GALNT13: variants seen among roughly 807,000 people sequenced by gnomAD.
GALNT13 encodes the protein UDP-GalNAc:polypeptide N-acetylgalactosaminyltransferase 13.
A neutral mutation model predicts 64.2 loss-of-function variants in GALNT13; 28 were observed. That is an observed-to-expected ratio of 0.44 (90% CI 0.32 to 0.60). The LOEUF is 0.60. GALNT13 is among the 20% of genes least tolerant of loss of function. The pLI is 0.05. For missense variants in GALNT13, 577 were observed against 669.8 expected, an observed-to-expected ratio of 0.86 and a Z score of 1.53; for synonymous variants, 214 against 224.6, an observed-to-expected ratio of 0.95 and a Z score of 0.42.
the GALNT13 span, among the ~76,000 whole-genome samples, chr2:153,364,952 G>T: frequency 6.6e-6 from 1 of 152,030 alleles, no homozygotes; most frequent in Admixed American, 6.6e-5. Context: ...TAAGGAAAAA[G>T]AACAAAACTG....
At chr2:153,673,849 G>A in the GALNT13 span, among the ~76,000 whole-genome samples, 36,717 of 151,936 alleles carry the variant, frequency 0.24, 5,094 homozygotes, top group Admixed American at 0.36. Context: ...AGCAACTTCA[G>A]CAAAGTCTCA....
chr2:154,241,870 C>A (rs1212593504), intron 4 of GALNT13, among the ~76,000 whole-genome samples, 160 bp from the exon 5 acceptor site: 1 of 152,180 alleles, frequency 6.6e-6, no homozygotes, highest in African/African-American at 2.4e-5. Context: ...ACTGATTACT[C>A]ACAGCAGTTA....
the GALNT13 span, among the ~76,000 whole-genome samples, chr2:153,358,417 C>G: frequency 6.6e-6 from 1 of 152,132 alleles, no homozygotes; most frequent in Non-Finnish European, 1.5e-5. Context: ...AGGGAAGAAA[C>G]CTGATAGTGA....
At chr2:154,454,753 C>A (rs1702008728), downstream of GALNT13, 1 of 152,022 alleles carries the variant, frequency 6.6e-6, no homozygotes. Context: ...AGCACTAAGA[C>A]CTACAGCAGA....
chr2:154,347,109 C>T (rs536067400), intron 9 of GALNT13, among the ~76,000 whole-genome samples: 1 of 152,164 alleles, frequency 6.6e-6, no homozygotes, highest in South Asian at 2.1e-4. Flanking sequence ...TGGGCCTCAC[C>T]ACCAGCAATA....
At chr2:153,993,544 A>C (rs566254771) in intron 3 of GALNT13, among the ~76,000 whole-genome samples, 1 of 151,950 alleles carries the variant, frequency 6.6e-6, no homozygotes, top group African/African-American at 2.4e-5. Context: ...AAATACAAAA[A>C]AAATTAGCCG....
the GALNT13 span, among the ~76,000 whole-genome samples, chr2:153,436,039 TGC>T: frequency 6.6e-6 from 1 of 152,114 alleles, no homozygotes; most frequent in Non-Finnish European, 1.5e-5. Flanking sequence ...TAGCATGAAG[TGC>T]TGTTGAATTT....
chr2:153,753,135 C>G, the GALNT13 span, among the ~76,000 whole-genome samples: 1 of 152,180 alleles, frequency 6.6e-6, no homozygotes, highest in East Asian at 1.9e-4. Context: ...TGGTAGAATC[C>G]TGAATTCCTT....
At chr2:153,337,454 A>G in the GALNT13 span, among the ~76,000 whole-genome samples, 1 of 152,244 alleles carries the variant, frequency 6.6e-6, no homozygotes, top group Non-Finnish European at 1.5e-5. Context: ...CAAGGAAAAA[A>G]TTATGTAAAA....
At chr2:154,081,461 A>G (rs988405032) in intron 3 of GALNT13, among the ~76,000 whole-genome samples, 4 of 151,498 alleles carry the variant, frequency 2.6e-5, no homozygotes, top group South Asian at 2.1e-4. Flanking sequence ...ATTTCCCTCA[A>G]TGTGACAGTA....
the GALNT13 span, among the ~76,000 whole-genome samples, chr2:153,385,068 C>T: frequency 3.6e-4 from 54 of 151,890 alleles, no homozygotes; most frequent in African/African-American, 1.2e-3. Flanking sequence ...AAAAAGGAAC[C>T]CTCATACACT....
chr2:154,412,326 G>T lies in GALNT13; in HGVS notation c.1395+3244G>T, dbSNP rs182340967. 1.9e-3 allele frequency among the ~76,000 whole-genome samples: 293 copies of T among 151,746 alleles called. 2 individuals are homozygous for T. The highest frequency in any genetic ancestry group is 0.014 in the East Asian group (74 of 5,160). The stretch of plus-strand genomic sequence containing the variant: ...GTCTTTCTCACTTTAATAAAAAACA[G>T]ATTTTAGAATTTTATTCTCAGAATT... On this transcript the variant is annotated intron_variant, in intron 11 of 12. Coordinates refer to ENST00000392825, the MANE Select transcript of GALNT13 (RefSeq NM_052917.4).
At chr2:153,585,632 C>T in the GALNT13 span, among the ~76,000 whole-genome samples, 7 of 152,066 alleles carry the variant, frequency 4.6e-5, no homozygotes, top group African/African-American at 1.7e-4. Context: ...ATATCATAAT[C>T]AGACTGTCTG....
chr2:153,153,212 G>A, the GALNT13 span, among the ~76,000 whole-genome samples: 1 of 151,820 alleles, frequency 6.6e-6, no homozygotes, highest in Non-Finnish European at 1.5e-5. Flanking sequence ...CTTTTGAAAA[G>A]TGTTCATGTC....
At chr2:153,757,624 C>T in the GALNT13 span, among the ~76,000 whole-genome samples, 2 of 152,012 alleles carry the variant, frequency 1.3e-5, no homozygotes, top group Non-Finnish European at 2.9e-5. Flanking sequence ...GGTTCTCTTT[C>T]TCCACACCCT....
the GALNT13 span, among the ~76,000 whole-genome samples, chr2:153,564,200 A>AT: frequency 1.5e-4 from 20 of 130,534 alleles, no homozygotes; most frequent in South Asian, 3.4e-3. Flanking sequence ...TTTTATATAT[A>AT]TATTTTTTTT....
chr2:154,262,457 A>G (rs899732774), intron 8 of GALNT13, among the ~76,000 whole-genome samples: 6 of 152,204 alleles, frequency 3.9e-5, no homozygotes, highest in East Asian at 1.9e-4. Flanking sequence ...TACACATTCA[A>G]TAGCAGTGAG....
the GALNT13 span, among the ~76,000 whole-genome samples, chr2:153,720,851 T>A: frequency 1.3e-5 from 2 of 150,554 alleles, no homozygotes; most frequent in East Asian, 2.0e-4. Context: ...TACCTGAAAG[T>A]GATGGGGAGA....
the GALNT13 span, among the ~76,000 whole-genome samples, chr2:153,105,552 G>A: frequency 2.6e-5 from 4 of 152,106 alleles, no homozygotes; most frequent in South Asian, 4.2e-4. Context: ...GAAATAAAGG[G>A]CGTTCAATTA....
Sources: gnomAD v4.1 joint callset for allele counts (sites outside exome capture counted in the v4.1 genomes callset) on GRCh38, gnomAD v4.1.1 for gene constraint, MANE v1.5 for transcripts, NCBI Gene and HGNC (gene_info 2026-07-23, HGNC 2026-07-21) for gene names.